Variants in CCDC171 observed in about 807,000 individuals in gnomAD.
CCDC171 encodes the protein coiled-coil domain containing 171, also known as coiled-coil domain-containing protein 171.
A neutral mutation model predicts 168.2 loss-of-function variants in CCDC171; 177 were observed. The ratio of observed to expected loss-of-function variants is 1.05; its 90% CI spans 0.93 to 1.19. The LOEUF is 1.19. Ranked by LOEUF, CCDC171 falls within the 50% of genes most tolerant of loss-of-function variation. The pLI, the probability that CCDC171 is intolerant of heterozygous loss-of-function variation, is 0.00. For synonymous variants in CCDC171, 687 were observed against 540.8 expected (o/e 1.27, Z -3.75); for missense variants, 1,991 against 1,539.0 (o/e 1.29, Z -4.91).
At chr9:15,569,817 A>AAAAAACC (rs2040060026) in intron 2 of CCDC171, among the ~76,000 whole-genome samples, 1 of 103,298 alleles carries the variant, frequency 9.7e-6, no homozygotes, top group Non-Finnish European at 2.1e-5. Context: ...TCCGTCTCAA[A>AAAAAACC]AAAAAACAAA....
At chr9:16,010,242 G>T (rs189770780) in intron 3 of CCDC171, among the ~76,000 whole-genome samples, 1 of 152,064 alleles carries the variant, frequency 6.6e-6, no homozygotes, top group East Asian at 1.9e-4. Context: ...CTTTCTTCTT[G>T]TTGATTTTAT....
the CCDC171 span, among the ~76,000 whole-genome samples, chr9:16,068,516 C>T: frequency 6.6e-6 from 1 of 152,196 alleles, no homozygotes; most frequent in Non-Finnish European, 1.5e-5. Context: ...TGGCTAAAAG[C>T]ACAGACCCTT....
At chr9:15,870,559 C>T (rs1465428791) in intron 23 of CCDC171, among the ~76,000 whole-genome samples, 1 of 151,808 alleles carries the variant, frequency 6.6e-6, no homozygotes, top group Non-Finnish European at 1.5e-5. Context: ...CATCTTCTTA[C>T]ATGTGTTTTT....
chr9:15,733,822 A>G (rs1240647433), intron 16 of CCDC171, among the ~76,000 whole-genome samples: 1 of 152,070 alleles, frequency 6.6e-6, no homozygotes, highest in Non-Finnish European at 1.5e-5. Flanking sequence ...TGGCTTGAGT[A>G]TGGTGGCACA....
chr9:15,895,333 T>C (rs192848515), intron 24 of CCDC171, among the ~76,000 whole-genome samples: 67 of 152,248 alleles, frequency 4.4e-4, no homozygotes, highest in African/African-American at 1.5e-3. Flanking sequence ...TATCTGTTAC[T>C]TGCTAAGTGT....
At chr9:15,886,287 C>T (rs954511278) in intron 24 of CCDC171, 1 of 152,108 alleles carries the variant, frequency 6.6e-6, no homozygotes, top group African/African-American at 2.4e-5. Flanking sequence ...AACACAATAA[C>T]TTTTTTAAAA....
rs1004182700 is a variant in CCDC171, at chr9:15,906,919, C to G, written c.3601-13351C>G. 1.8e-4 allele frequency among the ~76,000 whole-genome samples: 28 copies of G among 151,944 alleles called. 1 individual carries two copies. The highest frequency in any genetic ancestry group is 3.9e-4 in the Admixed American group (6 of 15,254). ...TCCAAATCATGAGTGAACTCCCATT[C>G]ACAATTGCTTCAAAGAGAATAAAAT... is the stretch of plus-strand genomic sequence containing the variant. On this transcript the variant is annotated intron_variant, in intron 24 of 25. Transcript: ENST00000380701.
In CCDC171 at chr9:15,751,095, A is replaced by G. The variant is rs574894650; in HGVS notation, c.2671+5464A>G. Among the ~76,000 whole-genome samples, 19 of 152,344 alleles carry G rather than the reference A, an allele frequency of 1.2e-4. No homozygotes were observed. In the South Asian group the frequency reaches 2.7e-3, roughly 22 times the overall value. The stretch of plus-strand genomic sequence containing the variant: ...AGCAAAGTCTCAGGATACAAAATCA[A>G]TGTGCAAAAATCACAGGCATTCCTA... On this transcript the variant is annotated intron_variant, in intron 18 of 25. Coordinates refer to ENST00000380701, the MANE Select transcript of CCDC171 (RefSeq NM_173550.4).
chr9:16,103,784 C>T, the CCDC171 span, among the ~76,000 whole-genome samples: 23 of 152,194 alleles, frequency 1.5e-4, no homozygotes, highest in Non-Finnish European at 2.1e-4. Flanking sequence ...TGACAAGCGG[C>T]GAGGGGGGCC....
intron 7 of CCDC171, among the ~76,000 whole-genome samples, chr9:15,649,208 A>T (rs1467742794): frequency 1.3e-5 from 2 of 152,216 alleles, no homozygotes; most frequent in Admixed American, 1.3e-4. Context: ...TAGAAAGCTG[A>T]AGCTGGATTC....
At chr9:15,745,350 A>G (rs1347195214) in intron 17 of CCDC171, among the ~76,000 whole-genome samples, 165 bp from the exon 18 acceptor site, 1 of 152,210 alleles carries the variant, frequency 6.6e-6, no homozygotes, top group Middle Eastern at 3.2e-3. Context: ...GTTATTTGTA[A>G]ATTAGGTCAA....
intron 1 of CCDC171, among the ~76,000 whole-genome samples, chr9:15,560,772 C>T (rs1473079927): frequency 6.6e-6 from 1 of 152,140 alleles, no homozygotes; most frequent in Non-Finnish European, 1.5e-5. Context: ...TGTTCCGTTG[C>T]TGGTGAGGAG....
intron 21 of CCDC171, among the ~76,000 whole-genome samples, chr9:15,834,944 T>G (rs2060378491): frequency 6.6e-6 from 1 of 152,230 alleles, no homozygotes; most frequent in Admixed American, 6.5e-5. Flanking sequence ...GAAATAGAAT[T>G]CATCTGTTTT....
At chr9:16,017,046 G>A (rs568679730) in intron 3 of CCDC171, among the ~76,000 whole-genome samples, 1 of 152,220 alleles carries the variant, frequency 6.6e-6, no homozygotes, top group East Asian at 1.9e-4. Context: ...GTTGGGGCAG[G>A]GAATGATGAA....
At chr9:15,920,816 C>T (rs1231934606) in intron 25 of CCDC171, among the ~76,000 whole-genome samples, 1 of 151,618 alleles carries the variant, frequency 6.6e-6, no homozygotes. Context: ...TGTGATTATT[C>T]TCTGTAGAAA....
Position 15,784,548 on chromosome 9 carries a change from G to A in CCDC171, c.3121G>A (p.Glu1041Lys), listed in dbSNP as rs775922602. The A allele has an allele frequency of 6.2e-7, 1 of 1,613,212 alleles. No homozygotes were observed. The highest frequency in any genetic ancestry group is 8.5e-7 in the Non-Finnish European group (1 of 1,179,508). ...THEKFESACEELNNALLREEQ... is the reference protein window; with the variant it reads ...THEKFESACEKLNNALLREEQ... Reference sequence around the variant, plus strand: ...TGAGAAGTTTGAAAGTGCATGTGAAGAACTAAATAATGCATTACTTCGGGA... The same window carrying A: ...TGAGAAGTTTGAAAGTGCATGTGAAAAACTAAATAATGCATTACTTCGGGA... Residue 1041 changes from glutamate to lysine, a missense_variant, in exon 21 of 26, where the codon GAA becomes AAA. Transcript: ENST00000380701.
At chr9:15,834,587 C>G (rs541589149) in intron 21 of CCDC171, among the ~76,000 whole-genome samples, 1 of 152,282 alleles carries the variant, frequency 6.6e-6, no homozygotes, top group South Asian at 2.1e-4. Context: ...ATGGATATGA[C>G]TTTATAATGC....
rs377620157 is a variant in CCDC171 at position 15,720,386 on chromosome 9, A to G, written c.1319-1383A>G. ...TTTCTCTTATTAAACCTTAAATTCTATAAAGACAGAGGCTATACCTTTCTT... is the reference window on the plus strand; with the variant it reads ...TTTCTCTTATTAAACCTTAAATTCTGTAAAGACAGAGGCTATACCTTTCTT... On this transcript the variant is annotated intron_variant, in intron 11 of 25. Transcript: ENST00000380701. 1.6e-4 allele frequency among the ~76,000 whole-genome samples: 25 copies of G among 152,304 alleles called. No individual in the cohort carries two copies. In the East Asian group the frequency reaches 2.5e-3, roughly 15 times the overall value.
intron 21 of CCDC171, among the ~76,000 whole-genome samples, chr9:15,792,199 G>A (rs537580563): frequency 1.1e-4 from 17 of 152,322 alleles, no homozygotes; most frequent in African/African-American, 3.6e-4. Flanking sequence ...TAGCTGATTT[G>A]ATCAACTGGA....
Sources: allele counts gnomAD v4.1 joint callset (sites outside exome capture counted in the v4.1 genomes callset), GRCh38; gene constraint gnomAD v4.1.1; transcripts MANE v1.5; gene names NCBI Gene and HGNC (gene_info 2026-07-23, HGNC 2026-07-21).